RBMS3: variants seen among roughly 807,000 people sequenced by gnomAD.
RBMS3 encodes RNA-binding motif, single-stranded-interacting protein 3.
Under a neutral mutation model 66.8 loss-of-function variants are expected in RBMS3, and 27 were observed. That is an observed-to-expected ratio of 0.40 (90% confidence interval 0.30 to 0.56). The LOEUF is 0.56. Ranked by LOEUF, RBMS3 falls within the 20% of genes least tolerant of loss-of-function variation. RBMS3 has a pLI of 0.40. For missense variants in RBMS3, 513 were observed against 549.5 expected (o/e 0.93, Z 0.66); for synonymous variants, 188 against 183.0 (o/e 1.03, Z -0.22).
chr3:29,573,819 A>G (rs1240189631), intron 3 of RBMS3, among the ~76,000 whole-genome samples: 2 of 152,044 alleles, frequency 1.3e-5, no homozygotes, highest in African/African-American at 4.8e-5. Flanking sequence ...TCTTTATTGA[A>G]CCACTGGTTA....
chr3:29,541,486 T>G (rs2045755966), intron 3 of RBMS3, among the ~76,000 whole-genome samples: 1 of 152,100 alleles, frequency 6.6e-6, no homozygotes, highest in Non-Finnish European at 1.5e-5. Context: ...CAAAGCCCAC[T>G]GGTCTTAATT....
At chr3:29,472,643 T>C (rs2042775425) in intron 2 of RBMS3, among the ~76,000 whole-genome samples, 1 of 151,990 alleles carries the variant, frequency 6.6e-6, no homozygotes, top group South Asian at 2.1e-4. Context: ...CTGCAGACCT[T>C]TGTGGTGAGT....
chr3:29,533,545 C>T (rs1053989061), intron 3 of RBMS3, among the ~76,000 whole-genome samples: 2 of 151,958 alleles, frequency 1.3e-5, no homozygotes, highest in African/African-American at 4.8e-5. Context: ...TGGGAGGTTT[C>T]AGCAGGTGGA....
At chr3:29,987,819 C>G (rs1034534576) in intron 12 of RBMS3, among the ~76,000 whole-genome samples, 2 of 152,108 alleles carry the variant, frequency 1.3e-5, no homozygotes, top group Non-Finnish European at 2.9e-5. Context: ...ATCCCCAACT[C>G]TCCTGGAGTT....
At chr3:29,419,860 G>A (rs2040629632) in intron 1 of RBMS3, among the ~76,000 whole-genome samples, 1 of 152,124 alleles carries the variant, frequency 6.6e-6, no homozygotes, top group African/African-American at 2.4e-5. Context: ...CTGAATTTAA[G>A]GAATACTTAC....
At chr3:29,904,009 G>C (rs942280147) in intron 10 of RBMS3, among the ~76,000 whole-genome samples, 1 of 151,880 alleles carries the variant, frequency 6.6e-6, no homozygotes, top group Non-Finnish European at 1.5e-5. Context: ...AACATGTAAG[G>C]CCTAAGGCCT....
At chr3:29,355,748 T>A (rs1437031519) in intron 1 of RBMS3, among the ~76,000 whole-genome samples, 1 of 152,150 alleles carries the variant, frequency 6.6e-6, no homozygotes, top group East Asian at 1.9e-4. Context: ...AGTACTTCCT[T>A]TTTTTCCCCC....
intron 6 of RBMS3, among the ~76,000 whole-genome samples, chr3:29,844,243 G>GTGTTT (rs543442183): frequency 1.2e-3 from 184 of 151,940 alleles, no homozygotes; most frequent in South Asian, 0.011. Flanking sequence ...TTTTTTTGTT[G>GTGTTT]TGTTTTGTTT....
chr3:29,774,236 C>G (rs1269986342), intron 6 of RBMS3, among the ~76,000 whole-genome samples: 1 of 151,934 alleles, frequency 6.6e-6, no homozygotes, highest in East Asian at 1.9e-4. Context: ...AATAGACATA[C>G]TAGACACTCT....
At chr3:29,594,721 A>T (rs767324708) in intron 4 of RBMS3, among the ~76,000 whole-genome samples, 1 of 152,168 alleles carries the variant, frequency 6.6e-6, no homozygotes, top group East Asian at 1.9e-4. Context: ...AATTTGGCTC[A>T]GTTTTTTTCC....
At chr3:29,520,700 A>G (rs1047013321) in intron 3 of RBMS3, among the ~76,000 whole-genome samples, 2 of 152,292 alleles carry the variant, frequency 1.3e-5, no homozygotes, top group Admixed American at 6.5e-5. Context: ...AGGATGTATT[A>G]TGCTTTATTC....
chr3:29,921,417 A>C (rs1230618208), intron 10 of RBMS3, among the ~76,000 whole-genome samples: 1 of 143,722 alleles, frequency 7.0e-6, no homozygotes, highest in Non-Finnish European at 1.5e-5. Context: ...ATAGCCACTC[A>C]GAATATGTGG....
At chr3:29,589,564 A>G (rs756313567) in intron 4 of RBMS3, among the ~76,000 whole-genome samples, 2 of 152,116 alleles carry the variant, frequency 1.3e-5, no homozygotes, top group Admixed American at 6.6e-5. Context: ...TTAACTATCT[A>G]TAAGAAAATA....
chr3:29,457,149 C>A (rs573562862), intron 2 of RBMS3, among the ~76,000 whole-genome samples: 2 of 152,278 alleles, frequency 1.3e-5, no homozygotes, highest in Admixed American at 6.5e-5. Flanking sequence ...TGGCAGACAT[C>A]TTCTACACCT....
At chr3:29,373,835 A>G (rs2038330041) in intron 1 of RBMS3, among the ~76,000 whole-genome samples, 1 of 152,204 alleles carries the variant, frequency 6.6e-6, no homozygotes, top group Non-Finnish European at 1.5e-5. Flanking sequence ...GAAGTAATCA[A>G]AGCTTTTTTA....
intron 2 of RBMS3, among the ~76,000 whole-genome samples, chr3:29,455,667 C>T (rs1378821262): frequency 6.6e-6 from 1 of 152,092 alleles, no homozygotes; most frequent in Non-Finnish European, 1.5e-5. Flanking sequence ...GTAACTGATA[C>T]CTGAACAAAG....
chr3:29,615,214 G>A (rs2048625062), intron 4 of RBMS3: 1 of 152,260 alleles, frequency 6.6e-6, no homozygotes, highest in Non-Finnish European at 1.5e-5. Context: ...AATATTCCAT[G>A]ACTGGATTCT....
At chr3:29,759,319 G>A (rs748470706) in intron 5 of RBMS3, among the ~76,000 whole-genome samples, 4 of 152,122 alleles carry the variant, frequency 2.6e-5, no homozygotes, top group Non-Finnish European at 5.9e-5. Flanking sequence ...CCTTTAATGT[G>A]TATTTATATT....
chr3:29,747,306 T>C (rs1267544475), intron 5 of RBMS3, among the ~76,000 whole-genome samples: 1 of 152,182 alleles, frequency 6.6e-6, no homozygotes, highest in East Asian at 1.9e-4. Context: ...CTCTTACTTG[T>C]GTTCTTGGGG....
Sources: gnomAD v4.1 joint callset for allele counts (sites outside exome capture counted in the v4.1 genomes callset) on GRCh38, gnomAD v4.1.1 for gene constraint, MANE v1.5 for transcripts, NCBI Gene and HGNC (gene_info 2026-07-23, HGNC 2026-07-21) for gene names.